The following TNRC6A variants were observed in gnomAD, a reference collection of about 807,000 sequenced individuals.
The protein encoded by TNRC6A is trinucleotide repeat-containing gene 6A protein.
TNRC6A carries 44 observed loss-of-function variants against 221.2 expected under a neutral mutation model. The ratio of observed to expected loss-of-function variants is 0.20; its 90% CI spans 0.16 to 0.26. The LOEUF is 0.26. Ranked by LOEUF, TNRC6A falls within the 10% of genes least tolerant of loss-of-function variation. The probability of loss-of-function intolerance (pLI) is 1.00; values close to 1 mark genes in which losing one functional copy is unlikely to be tolerated. For synonymous variants in TNRC6A, 847 were observed against 838.5 expected (o/e 1.01, Z -0.18); for missense variants, 2,199 against 2,404.4 (o/e 0.91, Z 1.79).
chr16:24,820,107 C>T, intron 21 of TNRC6A, 32 bp from the exon 22 acceptor site: 2 of 1,573,060 alleles, frequency 1.3e-6, no homozygotes, highest in Non-Finnish European at 1.7e-6. Flanking sequence ...AACATTATTC[C>T]TCCCCTCTCC....
chr16:24,799,611 A>T (rs1057073423), intron 11 of TNRC6A, among the ~76,000 whole-genome samples: 2 of 152,232 alleles, frequency 1.3e-5, no homozygotes, highest in African/African-American at 4.8e-5. Context: ...ACAGGAAAAA[A>T]AATGCTTGGC....
intron 5 of TNRC6A, chr16:24,778,491 A>T: frequency 1.0e-6 from 1 of 985,410 alleles, no homozygotes; most frequent in Non-Finnish European, 1.2e-6. Context: ...GCATAGGCAC[A>T]TTGTTATTGG....
intron 1 of TNRC6A, among the ~76,000 whole-genome samples, chr16:24,626,579 A>T (rs1019761036): frequency 9.9e-5 from 15 of 151,466 alleles, no homozygotes; most frequent in South Asian, 4.2e-4. Context: ...GATTTAAAAA[A>T]TTTTTTTACA....
At chr16:24,819,728 G>A (rs1048627721) in intron 21 of TNRC6A, 2 of 199,330 alleles carry the variant, frequency 1.0e-5, no homozygotes, top group Non-Finnish European at 2.0e-5. Context: ...CTCCTGAGTT[G>A]GGGCTCTTTT....
chr16:24,744,241 A>T (rs1019302146), intron 2 of TNRC6A, among the ~76,000 whole-genome samples: 1 of 152,118 alleles, frequency 6.6e-6, no homozygotes, highest in Non-Finnish European at 1.5e-5. Flanking sequence ...TTATCCCATT[A>T]TTGGTGATGG....
intron 2 of TNRC6A, among the ~76,000 whole-genome samples, chr16:24,703,803 G>A (rs2142237508): frequency 6.6e-6 from 1 of 151,482 alleles, no homozygotes; most frequent in East Asian, 1.9e-4. Flanking sequence ...TTTTTTTTTG[G>A]CCGGGCGTGG....
Position 24,797,475 on chromosome 16 carries a change from T to C in TNRC6A, c.3562-15T>C, listed in dbSNP as rs1407152583. 1.2e-6 allele frequency: 2 copies of C among 1,604,116 alleles called. No individual in the cohort carries two copies. The highest frequency in any genetic ancestry group is 1.7e-6 in the Non-Finnish European group (2 of 1,175,080). ...GATGGCCATGGCATCTTTTCTACTCTTTTATTTTACAAAGGGAATGATGAA... is the reference window on the plus strand; with the variant it reads ...GATGGCCATGGCATCTTTTCTACTCCTTTATTTTACAAAGGGAATGATGAA... On this transcript the variant is annotated splice_polypyrimidine_tract_variant and intron_variant, in intron 9 of 24. Transcript: ENST00000395799.
At chr16:24,661,134 A>G (rs1453706248) in intron 2 of TNRC6A, among the ~76,000 whole-genome samples, 1 of 151,926 alleles carries the variant, frequency 6.6e-6, no homozygotes, top group Non-Finnish European at 1.5e-5. Context: ...TGTTATGTGG[A>G]TGAATTATGT....
chr16:24,628,795 C>T (rs1163790662), intron 1 of TNRC6A, among the ~76,000 whole-genome samples: 1 of 151,502 alleles, frequency 6.6e-6, no homozygotes, highest in Non-Finnish European at 1.5e-5. Context: ...TTTTCAATGT[C>T]GGTGCCCCTA....
upstream of TNRC6A, among the ~76,000 whole-genome samples, chr16:24,725,686 A>G (rs1343789197): frequency 2.0e-5 from 3 of 151,728 alleles, no homozygotes; most frequent in Non-Finnish European, 2.9e-5. Context: ...GTTTGTAATT[A>G]TACACTTTTT....
chr16:24,645,545 T>C (rs1367495054), intron 2 of TNRC6A, among the ~76,000 whole-genome samples: 2 of 151,532 alleles, frequency 1.3e-5, no homozygotes, highest in Non-Finnish European at 2.9e-5. Flanking sequence ...GTTATAGCAA[T>C]TCACCAATCC....
At chr16:24,775,314 G>A (rs2057696435) in intron 4 of TNRC6A, among the ~76,000 whole-genome samples, 1 of 151,990 alleles carries the variant, frequency 6.6e-6, no homozygotes, top group South Asian at 2.1e-4. Context: ...ATAAACAGTA[G>A]ATGGAATATT....
rs1567476256 is a variant in TNRC6A at position 24,789,570 on chromosome 16, A to T, written c.928A>T (p.Thr310Ser). The change falls in exon 6 of 25, where the codon ACT becomes TCT. Residue 310 changes from threonine to serine, a missense_variant. Around this residue, in one of 8 missense-constraint regions of TNRC6A, gnomAD observed 1,405 missense variants for 1,400.2 expected, o/e 1.00. Coordinates refer to ENST00000395799, the MANE Select transcript of TNRC6A (RefSeq NM_014494.4). The stretch of plus-strand genomic sequence containing the variant: ...CAATAATGTGGGCCATGGAAGTAGT[A>T]CTGGGCCATGGGGTTTTTCCCATGG... ...SSNNVGHGSS[T>S]GPWGFSHGAI... The T allele has an allele frequency of 6.2e-7, 1 of 1,614,178 alleles. No individual in the cohort carries two copies. The highest frequency in any genetic ancestry group is 8.5e-7 in the Non-Finnish European group (1 of 1,180,046).
chr16:24,736,286 G>A (rs1332764625), intron 2 of TNRC6A, among the ~76,000 whole-genome samples: 2 of 152,046 alleles, frequency 1.3e-5, no homozygotes, highest in South Asian at 2.1e-4. Context: ...TTGTTCTATC[G>A]TGACATTGCA....
chr16:24,757,937 C>G (rs1240398345), intron 3 of TNRC6A, among the ~76,000 whole-genome samples: 1 of 152,144 alleles, frequency 6.6e-6, no homozygotes, highest in Non-Finnish European at 1.5e-5. Context: ...CTTTTTATCA[C>G]TTGTAACAAT....
chr16:24,811,851 T>C (rs887320679), intron 18 of TNRC6A, among the ~76,000 whole-genome samples: 5 of 151,988 alleles, frequency 3.3e-5, no homozygotes, highest in Non-Finnish European at 7.4e-5. Flanking sequence ...AATTTTACTT[T>C]GAAAGTTTAT....
At chr16:24,633,443 G>A (rs138028525) in intron 1 of TNRC6A, among the ~76,000 whole-genome samples, 3,282 of 151,902 alleles carry the variant, frequency 0.022, 124 homozygotes, top group African/African-American at 0.075. Context: ...TGCCCAGGCT[G>A]GAGTGCAGTG....
chr16:24,773,123 C>T (rs1271741582), intron 4 of TNRC6A, among the ~76,000 whole-genome samples: 1 of 151,852 alleles, frequency 6.6e-6, no homozygotes, highest in African/African-American at 2.4e-5. Context: ...TTACTAATTC[C>T]GTCTTTCTAT....
chr16:24,807,728 CTT>C (rs201498240), intron 17 of TNRC6A, among the ~76,000 whole-genome samples: 8 of 149,574 alleles, frequency 5.3e-5, no homozygotes, highest in Non-Finnish European at 5.9e-5. Flanking sequence ...TCCTAGGTCT[CTT>C]TTTTTCTTGT....
Sources: gnomAD v4.1 joint callset for allele counts (sites outside exome capture counted in the v4.1 genomes callset) on GRCh38, gnomAD v4.1.1 for gene constraint, gnomAD v4.1.1 regional missense constraint, MANE v1.5 for transcripts, NCBI Gene and HGNC (gene_info 2026-07-23, HGNC 2026-07-21) for gene names.